Variants in APPL2 observed in about 807,000 individuals in gnomAD.
APPL2 encodes the protein adaptor protein, phosphotyrosine interacting with PH domain and leucine zipper 2.
Under a neutral mutation model 92.7 loss-of-function variants are expected in APPL2, and 84 were observed. The ratio of observed to expected loss-of-function variants is 0.91; its 90% CI spans 0.76 to 1.09. The LOEUF is 1.09. APPL2 is among the 50% of genes least tolerant of loss of function. The probability of loss-of-function intolerance (pLI) is 0.00; values close to 1 mark genes in which losing one functional copy is unlikely to be tolerated. For synonymous variants in APPL2, 291 were observed against 291.0 expected (o/e 1.00, Z 0.00); for missense variants, 736 against 824.5 (o/e 0.89, Z 1.31).
intron 2 of APPL2, among the ~76,000 whole-genome samples, chr12:105,222,335 G>T (rs895148141): frequency 6.6e-6 from 1 of 152,142 alleles, no homozygotes; most frequent in Non-Finnish European, 1.5e-5. Flanking sequence ...GAGAATAGAT[G>T]AGGGGGACTG....
chr12:105,228,196 A>G (rs1255383761), intron 2 of APPL2, among the ~76,000 whole-genome samples: 1 of 152,270 alleles, frequency 6.6e-6, no homozygotes, highest in Non-Finnish European at 1.5e-5. Context: ...GTATAGGTTA[A>G]GTACCCTGCA....
At chr12:105,213,464 C>G (rs373422705) in intron 4 of APPL2, among the ~76,000 whole-genome samples, 1 of 152,324 alleles carries the variant, frequency 6.6e-6, no homozygotes, top group African/African-American at 2.4e-5. Flanking sequence ...AGGACACACT[C>G]AGAGCAGAGT....
At chr12:105,219,374 A>G (rs148139796) in intron 2 of APPL2, among the ~76,000 whole-genome samples, 145 of 152,312 alleles carry the variant, frequency 9.5e-4, no homozygotes, top group Admixed American at 1.7e-3. Flanking sequence ...AAATACAACA[A>G]AAGTGCCTGG....
At chr12:105,187,388 T>A (rs1487039383) in intron 17 of APPL2, among the ~76,000 whole-genome samples, 1 of 152,232 alleles carries the variant, frequency 6.6e-6, no homozygotes, top group Non-Finnish European at 1.5e-5. Flanking sequence ...TGACATTTAT[T>A]CCTCATGACA....
chr12:105,197,779 C>G lies in APPL2; in HGVS notation c.1038G>C (p.Thr346=), dbSNP rs377678013. 2 of 1,614,078 alleles carry G rather than the reference C, an allele frequency of 1.2e-6. No individual in the cohort carries two copies. The highest frequency in any genetic ancestry group is 2.7e-5 in the African/African-American group (2 of 74,930). ...GTGAAACATACGATTTTCCATTGGG[C>G]GTGGTGATCTGGAAGCAGTAGCGCC... The part of the protein sequence containing the change: ...EDRRYCFQIT[T]PNGKSGIILQ... The change falls in exon 11 of 21, where the codon ACG becomes ACC. Residue 346 remains threonine (T), a synonymous_variant. Coordinates refer to ENST00000258530, the MANE Select transcript of APPL2 (RefSeq NM_018171.5).
At chr12:105,220,236 G>T (rs1890001486) in intron 2 of APPL2, among the ~76,000 whole-genome samples, 1 of 152,140 alleles carries the variant, frequency 6.6e-6, no homozygotes, top group Admixed American at 6.5e-5. Context: ...TTACACTAGG[G>T]TGGGCAAACT....
chr12:105,182,556 T>C (rs1003664551), intron 17 of APPL2, among the ~76,000 whole-genome samples: 2 of 152,240 alleles, frequency 1.3e-5, no homozygotes, highest in African/African-American at 4.8e-5. Flanking sequence ...TTCCATGTAG[T>C]TGTGCAGTTT....
intron 11 of APPL2, among the ~76,000 whole-genome samples, chr12:105,197,014 T>A (rs1887706342): frequency 6.6e-6 from 1 of 152,130 alleles, no homozygotes; most frequent in South Asian, 2.1e-4. Context: ...CTACCCCTGC[T>A]GTTCAGGTCA....
chr12:105,200,891 TCTATCTATCTATC>T (rs973483177), intron 9 of APPL2, among the ~76,000 whole-genome samples: 31 of 139,892 alleles, frequency 2.2e-4, no homozygotes, highest in Admixed American at 3.0e-4. Flanking sequence ...TATCTATCTA[TCTATCTATCTATC>T]CTATCTATCT....
At chr12:105,180,474 C>T (rs1886003830) in intron 17 of APPL2, among the ~76,000 whole-genome samples, 1 of 152,140 alleles carries the variant, frequency 6.6e-6, no homozygotes, top group African/African-American at 2.4e-5. Context: ...TTTTTGGTTC[C>T]ATATGAAATT....
intron 5 of APPL2, among the ~76,000 whole-genome samples, chr12:105,209,273 G>T (rs902419443): frequency 6.6e-6 from 1 of 152,186 alleles, no homozygotes; most frequent in African/African-American, 2.4e-5. Flanking sequence ...TTGGTCTGAT[G>T]TTGACTCAGG....
intron 1 of APPL2, among the ~76,000 whole-genome samples, chr12:105,232,490 A>G (rs148809308): frequency 1.2e-3 from 186 of 152,336 alleles, no homozygotes; most frequent in African/African-American, 4.3e-3. Flanking sequence ...TGGTGGAGGA[A>G]GAGAATGTCC....
At chr12:105,206,572 A>C (rs1888717901) in intron 8 of APPL2, among the ~76,000 whole-genome samples, 1 of 152,218 alleles carries the variant, frequency 6.6e-6, no homozygotes, top group South Asian at 2.1e-4. Context: ...CAATAAGTAA[A>C]GGAGACCTCA....
chr12:105,207,823 T>G (rs1249017036), intron 7 of APPL2, 148 bp downstream of exon 7: 166 of 673,156 alleles, frequency 2.5e-4, no homozygotes, highest in East Asian at 4.9e-4. Context: ...GGTCTACTTA[T>G]GAGATTTGGA....
At chr12:105,228,290 A>G in intron 2 of APPL2, among the ~76,000 whole-genome samples, 1 of 152,196 alleles carries the variant, frequency 6.6e-6, no homozygotes, top group Middle Eastern at 3.2e-3. Flanking sequence ...CCCAAATCCA[A>G]AACTCCAAAA....
In APPL2 at chr12:105,227,144, AG is replaced by A. The variant is rs1890573373; in HGVS notation, c.153+1980del. On this transcript the variant is annotated intron_variant, in intron 2 of 20. Coordinates refer to ENST00000258530, the MANE Select transcript of APPL2 (RefSeq NM_018171.5). ...TCTGAAAATTAAAAATAAAAAAAAA[AG>A]ACTCTAGTCCTTTTTTTAATATTTA... Among the ~76,000 whole-genome samples the A allele has an allele frequency of 4.6e-5, 7 of 150,634 alleles. 1 individual carries two copies. In the South Asian group the frequency reaches 1.5e-3, roughly 32 times the overall value.
chr12:105,187,911 T>G (rs1886870580), intron 17 of APPL2, among the ~76,000 whole-genome samples: 1 of 152,128 alleles, frequency 6.6e-6, no homozygotes, highest in African/African-American at 2.4e-5. Flanking sequence ...GGCCAAGTTA[T>G]TTAGGCAGAT....
Position 105,216,867 on chromosome 12 carries a change from G to A in APPL2, c.285+202C>T, listed in dbSNP as rs1055345213. Among the ~76,000 whole-genome samples, 4 of 151,940 alleles carry A rather than the reference G, an allele frequency of 2.6e-5. No individual in the cohort carries two copies. In the East Asian group the frequency reaches 5.8e-4, roughly 22 times the overall value. On this transcript the variant is annotated intron_variant, in intron 4 of 20. Transcript: ENST00000258530. ...TTTTGGTCTATTCTTCATATATATC[G>A]AAGCCATTCCCCTCAAACCAGAAAC...
chr12:105,195,195 T>G, intron 14 of APPL2, 66 bp downstream of exon 14: 1 of 1,484,092 alleles, frequency 6.7e-7, no homozygotes, highest in South Asian at 1.1e-5. Flanking sequence ...AAGCAACAAC[T>G]CATTTCGTAT....
Sources: gnomAD v4.1 joint callset for allele counts (sites outside exome capture counted in the v4.1 genomes callset) on GRCh38, gnomAD v4.1.1 for gene constraint, MANE v1.5 for transcripts, NCBI Gene and HGNC (gene_info 2026-07-23, HGNC 2026-07-21) for gene names.